TSNAXIP1: variants seen among roughly 807,000 people sequenced by gnomAD.
TSNAXIP1 encodes translin-associated factor X-interacting protein 1.
TSNAXIP1 carries 89 observed loss-of-function variants against 84.8 expected under a neutral mutation model. The observed-to-expected ratio is 1.05, with a 90% CI of 0.88 to 1.25. The LOEUF (loss-of-function observed/expected upper bound fraction) is 1.25. TSNAXIP1 is among the 50% of genes most tolerant of loss of function. The pLI, the probability that TSNAXIP1 is intolerant of heterozygous loss-of-function variation, is 0.00. For missense variants in TSNAXIP1, 874 were observed against 887.6 expected (o/e 0.98, Z 0.20); for synonymous variants, 347 against 335.2 (o/e 1.04, Z -0.39).
intron 6 of TSNAXIP1, 72 bp downstream of exon 6, chr16:67,824,851 A>C: frequency 1.3e-6 from 2 of 1,494,580 alleles, no homozygotes; most frequent in Non-Finnish European, 1.8e-6. Flanking sequence ...GTGACCCCCT[A>C]CCCTGCTCTG....
At chr16:67,813,295 G>A (rs559911132) in intron 1 of TSNAXIP1, among the ~76,000 whole-genome samples, 1 of 151,540 alleles carries the variant, frequency 6.6e-6, no homozygotes, top group Non-Finnish European at 1.5e-5. Context: ...GCTGAGGAAG[G>A]AGAATTGCTT....
chr16:67,814,928 T>C (rs1447600922), intron 2 of TSNAXIP1, among the ~76,000 whole-genome samples: 1 of 152,156 alleles, frequency 6.6e-6, no homozygotes, highest in East Asian at 1.9e-4. Flanking sequence ...TCTACCATGT[T>C]CACTCCGGAT....
chr16:67,807,201 G>A lies in TSNAXIP1; in HGVS notation c.47+5G>A. ...CAGCTTCTCGTCCGCGTCGAGGTAG[G>A]CGCTGGCAGGGATGAGGGCAGAGAT... On this transcript the variant is annotated splice_donor_5th_base_variant and intron_variant, in intron 1 of 15. Transcript: ENST00000561639. 1 of 1,536,012 alleles carries A rather than the reference G, an allele frequency of 6.5e-7. No homozygotes were observed. The highest frequency in any genetic ancestry group is 8.7e-7 in the Non-Finnish European group (1 of 1,146,868).
chr16:67,807,065 T>A lies in TSNAXIP1; in HGVS notation c.-85T>A, dbSNP rs942893708. 1.1e-5 allele frequency: 16 copies of A among 1,506,530 alleles called. No individual in the cohort carries two copies. Among genetic ancestry groups the A allele is most frequent in the East Asian group, 2.5e-5 (1 of 40,240 alleles). 93.3% of individuals were successfully genotyped at this position (1,506,530 alleles called of 1,614,324 possible). On this transcript the variant is annotated 5_prime_UTR_variant, in exon 1 of 16. Coordinates refer to ENST00000561639, the MANE Select transcript of TSNAXIP1 (RefSeq NM_001288990.3). ...TCCGCCCCCGCCGCGGGGGGGCCTC[T>A]GGGGCCTGGTCGCCATGGCGACCGG... is the stretch of plus-strand genomic sequence containing the variant.
intron 7 of TSNAXIP1, 28 bp from the exon 8 acceptor site, chr16:67,825,639 C>T (rs756070478): frequency 2.5e-5 from 39 of 1,589,634 alleles, no homozygotes; most frequent in East Asian, 1.3e-4. Flanking sequence ...CACGGTGACA[C>T]GGGCTGGTGG....
chr16:67,826,737 T>C lies in TSNAXIP1; in HGVS notation c.1447T>C (p.Phe483Leu), dbSNP rs1163121805. ...DFFFNFLEHR[F>L]GPSDAMAWAY... ...CTTCTTCAATTTCCTGGAGCATCGC[T>C]TTGGGCCCAGTGATGCCATGGCCTG... Residue 483 changes from phenylalanine (F) to leucine (L), a missense_variant, in exon 12 of 16, where the codon TTT (phenylalanine) becomes CTT (leucine). By Grantham distance (22) the Phe-to-Leu change is conservative (BLOSUM62 0). Coordinates refer to ENST00000561639, the MANE Select transcript of TSNAXIP1 (RefSeq NM_001288990.3). The C allele has an allele frequency of 1.2e-6, 2 of 1,614,032 alleles. No individual in the cohort carries two copies. The highest frequency in any genetic ancestry group is 1.7e-6 in the Non-Finnish European group (2 of 1,180,024).
Position 67,807,086 on chromosome 16 carries a change from A to G in TSNAXIP1, c.-64A>G. Reference sequence around the variant, plus strand: ...CCTCTGGGGCCTGGTCGCCATGGCGACCGGCTGTACGCTACCACAGCTTCC... The same window carrying G: ...CCTCTGGGGCCTGGTCGCCATGGCGGCCGGCTGTACGCTACCACAGCTTCC... On this transcript the variant is annotated 5_prime_UTR_variant, in exon 1 of 16. Coordinates refer to ENST00000561639, the MANE Select transcript of TSNAXIP1 (RefSeq NM_001288990.3). 1 of 1,517,234 alleles carries G rather than the reference A, an allele frequency of 6.6e-7. No homozygotes were observed. The highest frequency in any genetic ancestry group is 8.8e-7 in the Non-Finnish European group (1 of 1,135,238). The allele number at this position is 1,517,234 out of a possible 1,614,324, so 94.0% of individuals were successfully genotyped here. A position where few individuals can be genotyped will look rare whatever the true frequency, so the allele number is the denominator to read the frequency against.
intron 4 of TSNAXIP1, 42 bp from the exon 5 acceptor site, chr16:67,823,584 C>T: frequency 1.3e-6 from 2 of 1,522,242 alleles, no homozygotes; most frequent in Non-Finnish European, 9.1e-7. Context: ...CTAAGGTTGG[C>T]AGCTGTGGGC....
rs1414459182 is a variant in TSNAXIP1, at chr16:67,807,042, C to T, written c.-108C>T. On this transcript the variant is annotated 5_prime_UTR_variant, in exon 1 of 16. Coordinates refer to ENST00000561639, the MANE Select transcript of TSNAXIP1 (RefSeq NM_001288990.3). ...CGGGGGCGTGGCGCATCCCTGACTC[C>T]GCCCCCGCCGCGGGGGGGCCTCTGG... is the stretch of plus-strand genomic sequence containing the variant. 6.8e-7 allele frequency: 1 copy of T among 1,475,682 alleles called. No individual in the cohort carries two copies. The highest frequency in any genetic ancestry group is 1.4e-5 in the African/African-American group (1 of 70,432). 91.4% of individuals were successfully genotyped at this position (1,475,682 alleles called of 1,614,324 possible). A position where few individuals can be genotyped will look rare whatever the true frequency, so the allele number is the denominator to read the frequency against.
chr16:67,822,494 C>T (rs2057140505), intron 4 of TSNAXIP1, among the ~76,000 whole-genome samples: 1 of 151,350 alleles, frequency 6.6e-6, no homozygotes, highest in Non-Finnish European at 1.5e-5. Flanking sequence ...GGGGTCACAC[C>T]GTGTTTACCA....
At chr16:67,823,455 A>G (rs1267500278) in intron 4 of TSNAXIP1, among the ~76,000 whole-genome samples, 171 bp from the exon 5 acceptor site, 1 of 152,052 alleles carries the variant, frequency 6.6e-6, no homozygotes, top group Non-Finnish European at 1.5e-5. Context: ...AGGCAGGAGA[A>G]TCACTTGAAC....
chr16:67,819,815 A>ATTTTTTTTTTTTTTTTTTTTTTTTT lies in TSNAXIP1; in HGVS notation c.148-1002_148-1001insTTTTTTTTTTTTTTTTTTTTTTTTT, dbSNP rs1162375778. ...AGCACATGCCACCACACCTGGCTAA[A>ATTTTTTTTTTTTTTTTTTTTTTTTT]TTTTTTTTTTTTTTTTTTTTTTGAG... On this transcript the variant is annotated intron_variant, in intron 2 of 15. Transcript: ENST00000561639. 4.0e-4 allele frequency among the ~76,000 whole-genome samples: 41 copies of ATTTTTTTTTTTTTTTTTTTTTTTTT among 102,634 alleles called. 2 individuals carry two copies. Among genetic ancestry groups the ATTTTTTTTTTTTTTTTTTTTTTTTT allele is most frequent in the Non-Finnish European group, 6.2e-4 (32 of 51,580 alleles). The allele number at this position is 102,634 out of a possible 152,430, so 67.3% of individuals were successfully genotyped here.
intron 1 of TSNAXIP1, among the ~76,000 whole-genome samples, chr16:67,808,784 G>A (rs547011732): frequency 3.8e-4 from 58 of 152,168 alleles, no homozygotes; most frequent in African/African-American, 1.1e-3. Flanking sequence ...AGAAAAGAGA[G>A]AGAGAGAAAG....
chr16:67,825,859 A>AG, intron 8 of TSNAXIP1, 23 bp downstream of exon 8: 1 of 1,614,032 alleles, frequency 6.2e-7, no homozygotes, highest in East Asian at 2.2e-5. Flanking sequence ...AGGCAGGGCC[A>AG]GGAGGGTAGG....
chr16:67,823,091 T>A (rs1480035695), intron 4 of TSNAXIP1, among the ~76,000 whole-genome samples: 1 of 152,180 alleles, frequency 6.6e-6, no homozygotes, highest in Non-Finnish European at 1.5e-5. Context: ...TCTATGGTCA[T>A]GGCAGTCCAC....
intron 2 of TSNAXIP1, among the ~76,000 whole-genome samples, chr16:67,818,565 T>A (rs895213996): frequency 6.6e-6 from 1 of 151,926 alleles, no homozygotes; most frequent in African/African-American, 2.4e-5. Flanking sequence ...AGGGTTATTT[T>A]GTGCTTTTAT....
Position 67,807,010 on chromosome 16 carries a change from C to A in TSNAXIP1, c.-140C>A. On this transcript the variant is annotated 5_prime_UTR_variant, in exon 1 of 16. Coordinates refer to ENST00000561639, the MANE Select transcript of TSNAXIP1 (RefSeq NM_001288990.3). Reference sequence around the variant, plus strand: ...TTGTCCTACTCCCAGCCCGCGGGCGCTAGGCTCGGGGGCGTGGCGCATCCC... The same window carrying A: ...TTGTCCTACTCCCAGCCCGCGGGCGATAGGCTCGGGGGCGTGGCGCATCCC... 2 of 1,376,100 alleles carry A rather than the reference C, an allele frequency of 1.5e-6. No individual in the cohort carries two copies. The highest frequency in any genetic ancestry group is 1.5e-5 in the South Asian group (1 of 68,806). 85.2% of individuals were successfully genotyped at this position (1,376,100 alleles called of 1,614,324 possible).
At position 67,825,775 on chromosome 16, in the gene TSNAXIP1, A is replaced by T. The variant is rs2057390341; in HGVS notation, c.923A>T (p.Asp308Val). Reference sequence around the variant, plus strand: ...AACAACATGAAGGCCAACTTTGGAGATGTGGTCCCCAGGAGGGACTTTGAA... The same window carrying T: ...AACAACATGAAGGCCAACTTTGGAGTTGTGGTCCCCAGGAGGGACTTTGAA... Reference protein sequence around the residue: ...ELNNMKANFGDVVPRRDFEMQ... With the variant: ...ELNNMKANFGVVVPRRDFEMQ... The change falls in exon 8 of 16, where the codon GAT (aspartate) becomes GTT (valine). Residue 308 changes from aspartate to valine, a missense_variant. By Grantham distance (152) the Asp-to-Val change is radical. Transcript: ENST00000561639. 5 of 1,614,016 alleles carry T rather than the reference A, an allele frequency of 3.1e-6. No individual in the cohort carries two copies. In the African/African-American group the frequency reaches 6.7e-5, roughly 22 times the overall value.
chr16:67,825,848 C>T lies in TSNAXIP1; in HGVS notation c.984+12C>T, dbSNP rs1485155272. 1 of 1,614,124 alleles carries T rather than the reference C, an allele frequency of 6.2e-7. No homozygotes were observed. The highest frequency in any genetic ancestry group is 1.7e-5 in the Admixed American group (1 of 60,010). On this transcript the variant is annotated intron_variant, in intron 8 of 15. Transcript: ENST00000561639. The stretch of plus-strand genomic sequence containing the variant: ...ATCTTCAGGAGCAGGTGCTGGCAGG[C>T]AGGCAGGGCCAGGAGGGTAGGACGG...
Sources: allele counts gnomAD v4.1 joint callset (sites outside exome capture counted in the v4.1 genomes callset), GRCh38; gene constraint gnomAD v4.1.1; transcripts MANE v1.5; gene names NCBI Gene and HGNC (gene_info 2026-07-23, HGNC 2026-07-21).